IGF2BP3: variants seen among roughly 807,000 people sequenced by gnomAD.
The protein encoded by IGF2BP3 is insulin-like growth factor 2 mRNA-binding protein 3.
A neutral mutation model predicts 73.8 loss-of-function variants in IGF2BP3; 9 were observed. The ratio of observed to expected loss-of-function variants is 0.12; its 90% confidence interval spans 0.07 to 0.21. The LOEUF (loss-of-function observed/expected upper bound fraction) is 0.21. Ranked by LOEUF, IGF2BP3 falls within the 10% of genes least tolerant of loss-of-function variation. The pLI, the probability that IGF2BP3 is intolerant of heterozygous loss-of-function variation, is 1.00. For synonymous variants in IGF2BP3, 258 were observed against 256.7 expected (o/e 1.01, Z -0.05); for missense variants, 542 against 714.0 (o/e 0.76, Z 2.75).
chr7:23,451,614 C>G (rs1350289255), intron 2 of IGF2BP3, among the ~76,000 whole-genome samples: 1 of 151,970 alleles, frequency 6.6e-6, no homozygotes, highest in African/African-American at 2.4e-5. Context: ...ACAAAACAGA[C>G]CTCTATCATT....
chr7:23,456,705 G>C (rs1732277401), intron 2 of IGF2BP3, among the ~76,000 whole-genome samples: 1 of 152,006 alleles, frequency 6.6e-6, no homozygotes, highest in South Asian at 2.1e-4. Context: ...ACACTTCATT[G>C]AAAGAAGCTC....
At chr7:23,379,526 T>C (rs1785837998) in intron 3 of IGF2BP3, among the ~76,000 whole-genome samples, 1 of 152,082 alleles carries the variant, frequency 6.6e-6, no homozygotes, top group Non-Finnish European at 1.5e-5. Context: ...ATTTTAAAGG[T>C]TTTAATGAGT....
chr7:23,406,701 T>C (rs2128528541), intron 3 of IGF2BP3, among the ~76,000 whole-genome samples: 1 of 152,230 alleles, frequency 6.6e-6, no homozygotes, highest in South Asian at 2.1e-4. Flanking sequence ...GTGGCCAACT[T>C]TTATTCCCTT....
At chr7:23,334,609 G>T (rs2128498502) in intron 10 of IGF2BP3, among the ~76,000 whole-genome samples, 1 of 152,226 alleles carries the variant, frequency 6.6e-6, no homozygotes, top group South Asian at 2.1e-4. Flanking sequence ...ACATTCTTTG[G>T]GACTGAAGGA....
chr7:23,398,251 T>C (rs1044527673), intron 3 of IGF2BP3, among the ~76,000 whole-genome samples: 6 of 152,218 alleles, frequency 3.9e-5, no homozygotes, highest in African/African-American at 1.4e-4. Flanking sequence ...CTCATCATTT[T>C]TTATGGCTGC....
intron 2 of IGF2BP3, among the ~76,000 whole-genome samples, chr7:23,455,290 C>T (rs1788290411): frequency 6.6e-6 from 1 of 152,200 alleles, no homozygotes; most frequent in South Asian, 2.1e-4. Flanking sequence ...ACACTCCAGC[C>T]TCTTTAATCT....
At chr7:23,421,917 T>A (rs1258280717) in intron 2 of IGF2BP3, among the ~76,000 whole-genome samples, 1 of 151,966 alleles carries the variant, frequency 6.6e-6, no homozygotes, top group East Asian at 2.0e-4. Flanking sequence ...CCGGAGTAGC[T>A]GGGACTACAG....
intron 2 of IGF2BP3, among the ~76,000 whole-genome samples, chr7:23,466,783 G>C (rs1788575956): frequency 6.6e-6 from 1 of 152,172 alleles, no homozygotes; most frequent in Non-Finnish European, 1.5e-5. Context: ...AGCAGGGGAA[G>C]GCACAGTAAT....
At chr7:23,403,570 A>G (rs576733513) in intron 3 of IGF2BP3, among the ~76,000 whole-genome samples, 2 of 152,342 alleles carry the variant, frequency 1.3e-5, no homozygotes, top group East Asian at 3.9e-4. Context: ...AAAATGCGTA[A>G]GTGAACTTGC....
chr7:23,321,717 T>C (rs1244582802), intron 10 of IGF2BP3, among the ~76,000 whole-genome samples: 2 of 152,158 alleles, frequency 1.3e-5, no homozygotes, highest in African/African-American at 4.8e-5. Context: ...AGCACACAGC[T>C]AGAGCTCTGA....
chr7:23,339,730 C>T (rs996625765), intron 10 of IGF2BP3, among the ~76,000 whole-genome samples: 3 of 152,188 alleles, frequency 2.0e-5, no homozygotes, highest in Non-Finnish European at 4.4e-5. Context: ...GGGGAACCAG[C>T]AGAAATGTGG....
At chr7:23,363,406 T>A (rs1785282335) in intron 3 of IGF2BP3, among the ~76,000 whole-genome samples, 1 of 151,514 alleles carries the variant, frequency 6.6e-6, no homozygotes, top group Non-Finnish European at 1.5e-5. Context: ...CCACCACACC[T>A]GGCTAATTTT....
At chr7:23,317,847 G>T in intron 11 of IGF2BP3, 134 bp from the exon 12 acceptor site, 1 of 703,914 alleles carries the variant, frequency 1.4e-6, no homozygotes, top group Non-Finnish European at 2.5e-6. Flanking sequence ...ATTAGGGAGA[G>T]GCAGCAATTC....
chr7:23,410,444 T>A (rs1037450461), intron 3 of IGF2BP3, among the ~76,000 whole-genome samples: 1 of 152,086 alleles, frequency 6.6e-6, no homozygotes, highest in Non-Finnish European at 1.5e-5. Context: ...CCAGGCAGCA[T>A]AGCACAAAGG....
intron 5 of IGF2BP3, among the ~76,000 whole-genome samples, chr7:23,352,622 AGG>A (rs978070837): frequency 2.0e-5 from 3 of 152,178 alleles, no homozygotes; most frequent in South Asian, 2.1e-4. Context: ...TTAACATGCA[AGG>A]AAAAGTGCCC....
Position 23,315,996 on chromosome 7 carries a change from G to A in IGF2BP3, c.1395+1643C>T, listed in dbSNP as rs190394712. Among the ~76,000 whole-genome samples, 14 of 152,274 alleles carry A rather than the reference G, an allele frequency of 9.2e-5. No individual in the cohort carries two copies. In the East Asian group the frequency reaches 2.5e-3, roughly 27 times the overall value. ...TGCAGGACAGTAATTCTACTTATAA[G>A]ACTAAAAGCTCAGCACCAAGGAAAG... On this transcript the variant is annotated intron_variant, in intron 12 of 14. Coordinates refer to ENST00000258729, the MANE Select transcript of IGF2BP3 (RefSeq NM_006547.3).
intron 3 of IGF2BP3, among the ~76,000 whole-genome samples, chr7:23,413,068 C>A (rs191180518): frequency 1.5e-4 from 23 of 151,164 alleles, no homozygotes; most frequent in Admixed American, 1.5e-3. Flanking sequence ...CCATGTTGGC[C>A]AGGCTGGTCT....
chr7:23,377,589 A>C (rs1464104268), intron 3 of IGF2BP3, among the ~76,000 whole-genome samples: 2 of 152,254 alleles, frequency 1.3e-5, no homozygotes, highest in Non-Finnish European at 2.9e-5. Flanking sequence ...AAAAGTTACC[A>C]TATGATCTAG....
At chr7:23,456,814 C>T (rs1480204967) in intron 2 of IGF2BP3, among the ~76,000 whole-genome samples, 1 of 152,172 alleles carries the variant, frequency 6.6e-6, no homozygotes, top group Non-Finnish European at 1.5e-5. Context: ...CTTTGGGAGG[C>T]CGCGGCGAGG....
Sources: allele counts gnomAD v4.1 joint callset (sites outside exome capture counted in the v4.1 genomes callset), GRCh38; gene constraint gnomAD v4.1.1; transcripts MANE v1.5; gene names NCBI Gene and HGNC (gene_info 2026-07-23, HGNC 2026-07-21).